GRIP1: variants seen among roughly 807,000 people sequenced by gnomAD.
GRIP1 encodes glutamate receptor-interacting protein 1.
Under a neutral mutation model 129.9 loss-of-function variants are expected in GRIP1, and 45 were observed. The observed-to-expected ratio is 0.35, with a 90% CI of 0.27 to 0.44. The LOEUF (loss-of-function observed/expected upper bound fraction) is 0.44, where lower values mean the gene tolerates loss of function less well. Ranked by LOEUF, GRIP1 falls within the 20% of genes least tolerant of loss-of-function variation. The probability of loss-of-function intolerance (pLI) is 1.00; values close to 1 mark genes in which losing one functional copy is unlikely to be tolerated. For synonymous variants in GRIP1, 530 were observed against 520.8 expected (o/e 1.02, Z -0.24); for missense variants, 1,196 against 1,396.8 (o/e 0.86, Z 2.29).
intron 14 of GRIP1, among the ~76,000 whole-genome samples, chr12:66,431,161 C>T (rs10878420): frequency 0.66 from 100,030 of 152,026 alleles, 34,219 homozygotes; most frequent in Non-Finnish European, 0.77. Flanking sequence ...AATTCTGATA[C>T]GCTTTCTTAA....
At chr12:66,447,753 T>A (rs1269860983) in intron 11 of GRIP1, among the ~76,000 whole-genome samples, 1 of 152,200 alleles carries the variant, frequency 6.6e-6, no homozygotes, top group Non-Finnish European at 1.5e-5. Flanking sequence ...CCCAGCTTTC[T>A]GACTTCTGTC....
chr12:66,414,993 T>TAAAATAAAATAAAATAAAATAAAA (rs1282938491), intron 15 of GRIP1, among the ~76,000 whole-genome samples: 2 of 99,102 alleles, frequency 2.0e-5, no homozygotes, highest in Admixed American at 9.2e-5. Flanking sequence ...ATAAAATGGA[T>TAAAATAAAATAAAATAAAATAAAA]TAAAGACTTA....
At chr12:66,551,545 T>C (rs1469599589) in intron 2 of GRIP1, among the ~76,000 whole-genome samples, 1 of 151,946 alleles carries the variant, frequency 6.6e-6, no homozygotes, top group Non-Finnish European at 1.5e-5. Flanking sequence ...TTGCATGTAT[T>C]TTTGGGTGTC....
At chr12:66,860,272 G>C (rs1278865402) in intron 1 of GRIP1, among the ~76,000 whole-genome samples, 1 of 152,056 alleles carries the variant, frequency 6.6e-6, no homozygotes, top group Non-Finnish European at 1.5e-5. Context: ...CGTGCTTGCT[G>C]TGTGAATGCT....
At chr12:66,925,614 A>G (rs1430422797) in intron 1 of GRIP1, among the ~76,000 whole-genome samples, 1 of 152,176 alleles carries the variant, frequency 6.6e-6, no homozygotes, top group Non-Finnish European at 1.5e-5. Context: ...AATCTACTAC[A>G]ATATACTAGA....
chr12:66,652,026 T>C lies in GRIP1; in HGVS notation c.55+26824A>G, dbSNP rs117124818. ...TTCTGAGGAGTATGTTGAAATTTAA[T>C]GGAAGAGAAGTATTCTGCCTTTTGG... On this transcript the variant is annotated intron_variant, in intron 1 of 24. Transcript: ENST00000359742. Among the ~76,000 whole-genome samples, 282 of 152,294 alleles carry C rather than the reference T, an allele frequency of 1.9e-3. 1 individual carries two copies. Among genetic ancestry groups the C allele is most frequent in the Non-Finnish European group, 3.1e-3 (211 of 68,018 alleles).
At chr12:66,781,115 C>T (rs1466808805) in intron 1 of GRIP1, among the ~76,000 whole-genome samples, 7 of 152,180 alleles carry the variant, frequency 4.6e-5, no homozygotes, top group Non-Finnish European at 8.8e-5. Flanking sequence ...ATTAAATATT[C>T]TGTCTCGTGG....
intron 1 of GRIP1, among the ~76,000 whole-genome samples, chr12:66,604,110 C>A (rs549821027): frequency 6.6e-6 from 1 of 152,296 alleles, no homozygotes; most frequent in South Asian, 2.1e-4. Flanking sequence ...TCTCCTGCAA[C>A]CAGGAAGGGC....
intron 2 of GRIP1, among the ~76,000 whole-genome samples, chr12:66,554,915 C>T (rs1325037707): frequency 6.6e-6 from 1 of 152,146 alleles, no homozygotes; most frequent in Admixed American, 6.5e-5. Flanking sequence ...TTCCTGACTC[C>T]AGGACCTGGC....
intron 16 of GRIP1, among the ~76,000 whole-genome samples, chr12:66,405,056 C>T (rs974681951): frequency 6.6e-6 from 1 of 152,116 alleles, no homozygotes; most frequent in African/African-American, 2.4e-5. Context: ...ACAAACAAAA[C>T]ATCTACTGTT....
intron 5 of GRIP1, among the ~76,000 whole-genome samples, chr12:66,524,337 T>C (rs1321225504): frequency 2.6e-5 from 4 of 152,094 alleles, no homozygotes; most frequent in African/African-American, 4.8e-5. Context: ...TCCCTCAGAC[T>C]ACAGTGCAAT....
intron 1 of GRIP1, among the ~76,000 whole-genome samples, chr12:67,064,694 C>T (rs1408014294): frequency 6.6e-6 from 1 of 152,154 alleles, no homozygotes; most frequent in Non-Finnish European, 1.5e-5. Flanking sequence ...GGAAATGAAA[C>T]AGGCCAAGTT....
chr12:66,801,285 G>A (rs948737585), intron 1 of GRIP1, among the ~76,000 whole-genome samples: 1 of 151,994 alleles, frequency 6.6e-6, no homozygotes, highest in African/African-American at 2.4e-5. Flanking sequence ...ATAGATGAGT[G>A]ATGAAAGCAG....
intron 1 of GRIP1, among the ~76,000 whole-genome samples, chr12:66,661,250 A>G (rs548744019): frequency 2.0e-5 from 3 of 152,104 alleles, no homozygotes; most frequent in South Asian, 2.1e-4. Flanking sequence ...CCTATGCTGA[A>G]TATCAACTGG....
intron 1 of GRIP1, among the ~76,000 whole-genome samples, chr12:66,794,041 T>C (rs1284211527): frequency 2.6e-5 from 4 of 152,144 alleles, no homozygotes; most frequent in Admixed American, 6.6e-5. Flanking sequence ...ATAAGAATCT[T>C]ATAAAGTATA....
intron 1 of GRIP1, among the ~76,000 whole-genome samples, chr12:66,717,360 T>C (rs1475252707): frequency 1.4e-5 from 2 of 147,590 alleles, no homozygotes; most frequent in Non-Finnish European, 3.0e-5. Flanking sequence ...TCATTTATAA[T>C]GGGCTTGAAT....
At chr12:66,375,800 C>CT (rs1307601058) in intron 22 of GRIP1, among the ~76,000 whole-genome samples, 1 of 152,154 alleles carries the variant, frequency 6.6e-6, no homozygotes, top group African/African-American at 2.4e-5. Flanking sequence ...ACATCATTTT[C>CT]TTTTTGCCTA....
intron 15 of GRIP1, among the ~76,000 whole-genome samples, chr12:66,419,561 C>A (rs1257873783): frequency 6.6e-6 from 1 of 152,042 alleles, no homozygotes; most frequent in Non-Finnish European, 1.5e-5. Context: ...TCTTGTATCC[C>A]ATAAGTATAT....
chr12:66,432,715 C>A lies in GRIP1; in HGVS notation c.1688-87G>T, dbSNP rs147544973. ...AAAAATGCATTAGGAATACTTGTAT[C>A]ATAATCATATGTAGCTAAAACTGTA... On this transcript the variant is annotated intron_variant, in intron 13 of 24. Transcript: ENST00000359742. The A allele has an allele frequency of 2.5e-3, 1,937 of 772,852 alleles. 9 individuals carry two copies. Among genetic ancestry groups the A allele is most frequent in the Non-Finnish European group, 3.4e-3 (1,525 of 443,480 alleles). 47.9% of individuals were successfully genotyped at this position (772,852 alleles called of 1,614,324 possible).
Sources: allele counts gnomAD v4.1 joint callset (sites outside exome capture counted in the v4.1 genomes callset), GRCh38; gene constraint gnomAD v4.1.1; transcripts MANE v1.5; gene names NCBI Gene and HGNC (gene_info 2026-07-23, HGNC 2026-07-21).